The following LMNTD1 variants were observed in gnomAD, a reference collection of about 807,000 sequenced individuals.
LMNTD1 encodes the protein lamin tail domain containing 1.
LMNTD1 carries 35 observed loss-of-function variants against 50.9 expected under a neutral mutation model. That is an observed-to-expected ratio of 0.69 (90% CI 0.53 to 0.91). The LOEUF is 0.91. Ranked by LOEUF, LMNTD1 falls within the 40% of genes least tolerant of loss-of-function variation. The probability of loss-of-function intolerance (pLI) is 0.00; values close to 1 mark genes in which losing one functional copy is unlikely to be tolerated. For synonymous variants in LMNTD1, 153 were observed against 161.9 expected, an observed-to-expected ratio of 0.94 and a Z score of 0.42; for missense variants, 470 against 475.5, an observed-to-expected ratio of 0.99 and a Z score of 0.11.
Position 25,543,493 on chromosome 12 carries a change from G to T in LMNTD1, c.491+2881C>A, listed in dbSNP as rs185527587. 2.8e-3 allele frequency among the ~76,000 whole-genome samples: 426 copies of T among 152,018 alleles called. 1 individual carries two copies. Among genetic ancestry groups the T allele is most frequent in the Non-Finnish European group, 5.0e-3 (342 of 67,878 alleles). On this transcript the variant is annotated intron_variant, in intron 4 of 9. Transcript: ENST00000458174. Reference sequence around the variant, plus strand: ...GAAAAACCATATGATCATCTCACTAGATGCATAGAAAGTATTTGATACAAT... The same window carrying T: ...GAAAAACCATATGATCATCTCACTATATGCATAGAAAGTATTTGATACAAT...
At chr12:25,542,836 A>T (rs1182081758) in intron 4 of LMNTD1, among the ~76,000 whole-genome samples, 1 of 151,718 alleles carries the variant, frequency 6.6e-6, no homozygotes, top group Non-Finnish European at 1.5e-5. Flanking sequence ...AATAGGGGAA[A>T]CCAATATAAC....
intron 7 of LMNTD1, among the ~76,000 whole-genome samples, chr12:25,519,586 T>TAAAAAA (rs781742784): frequency 0.014 from 1,032 of 74,900 alleles, 181 homozygotes; most frequent in Non-Finnish European, 0.017. Flanking sequence ...AGACTCTGTC[T>TAAAAAA]CAAAAAAAAA....
chr12:25,518,999 A>G (rs1017850093), intron 7 of LMNTD1, 32 bp from the exon 8 acceptor site: 3 of 1,608,612 alleles, frequency 1.9e-6, no homozygotes, highest in African/African-American at 2.7e-5. Flanking sequence ...ATGGAACTCA[A>G]AAGCCATTTT....
chr12:25,518,758 C>T, intron 8 of LMNTD1, 37 bp downstream of exon 8: 15 of 1,574,450 alleles, frequency 9.5e-6, no homozygotes, highest in South Asian at 3.3e-5. Flanking sequence ...TGCACACACA[C>T]GCACTCTCCA....
chr12:25,617,204 T>C lies in LMNTD1; in HGVS notation c.58+31290A>G, dbSNP rs112385322. ...TTTAATTAGCTATAGTATTTAATGT[T>C]AATGTTAACTTTATGCTGAGGCCCT... On this transcript the variant is annotated intron_variant, in intron 1 of 7. Coordinates refer to the LMNTD1 transcript ENST00000445693. 1.9e-3 allele frequency among the ~76,000 whole-genome samples: 289 copies of C among 152,336 alleles called. 3 individuals are homozygous for C. The highest frequency in any genetic ancestry group is 6.4e-3 in the African/African-American group (265 of 41,576).
At chr12:25,564,949 G>C (rs1430665934) in intron 1 of LMNTD1, among the ~76,000 whole-genome samples, 1 of 152,062 alleles carries the variant, frequency 6.6e-6, no homozygotes, top group East Asian at 1.9e-4. Context: ...ATAACCTCTT[G>C]CTGAATTGAC....
At chr12:25,554,592 T>C (rs1472704798), upstream of LMNTD1, among the ~76,000 whole-genome samples, 5 of 152,220 alleles carry the variant, frequency 3.3e-5, no homozygotes, top group Non-Finnish European at 4.4e-5. Flanking sequence ...GAGCATTTTG[T>C]AAATGTAAGA....
At chr12:25,644,597 G>A (rs1371511566) in intron 1 of LMNTD1, among the ~76,000 whole-genome samples, 1 of 152,042 alleles carries the variant, frequency 6.6e-6, no homozygotes, top group Non-Finnish European at 1.5e-5. Context: ...CCAAAAAAGA[G>A]AATGATGAAA....
At chr12:25,592,309 A>G (rs1945725085) in intron 1 of LMNTD1, among the ~76,000 whole-genome samples, 1 of 152,208 alleles carries the variant, frequency 6.6e-6, no homozygotes, top group Admixed American at 6.5e-5. Context: ...GCAGGCATAC[A>G]TTAGGAAAGC....
At chr12:25,519,587 C>CAAAAAAAAAAAAAAAAA (rs58304861) in intron 7 of LMNTD1, among the ~76,000 whole-genome samples, 7 of 94,700 alleles carry the variant, frequency 7.4e-5, no homozygotes, top group African/African-American at 2.5e-4. Context: ...GACTCTGTCT[C>CAAAAAAAAAAAAAAAAA]AAAAAAAAAA....
intron 4 of LMNTD1, among the ~76,000 whole-genome samples, chr12:25,536,912 C>T (rs1422774858): frequency 2.0e-5 from 3 of 152,206 alleles, no homozygotes; most frequent in East Asian, 1.9e-4. Context: ...TTGCCTCACT[C>T]GGGAAGCACA....
chr12:25,559,504 ATGTG>A, intron 1 of LMNTD1, among the ~76,000 whole-genome samples: 1 of 152,274 alleles, frequency 6.6e-6, no homozygotes, highest in South Asian at 2.1e-4. Context: ...CGCAATAAAC[ATGTG>A]TGTGCATGTG....
intron 1 of LMNTD1, among the ~76,000 whole-genome samples, chr12:25,606,820 T>A (rs563017611): frequency 1.3e-5 from 2 of 152,318 alleles, no homozygotes; most frequent in Admixed American, 6.5e-5. Flanking sequence ...CTGCCAGGCT[T>A]TGGTATCAGG....
chr12:25,635,144 G>T (rs149238557), intron 1 of LMNTD1, among the ~76,000 whole-genome samples: 1 of 151,910 alleles, frequency 6.6e-6, no homozygotes, highest in South Asian at 2.1e-4. Flanking sequence ...GGAGGCTGAG[G>T]GGGGAGAATC....
chr12:25,606,631 C>T (rs1450556181), intron 1 of LMNTD1, among the ~76,000 whole-genome samples: 16 of 152,034 alleles, frequency 1.1e-4, no homozygotes, highest in African/African-American at 3.4e-4. Context: ...TGCTGGATTA[C>T]GTTTATTGAT....
intron 1 of LMNTD1, among the ~76,000 whole-genome samples, chr12:25,574,220 C>T (rs1029853544): frequency 6.6e-6 from 1 of 152,194 alleles, no homozygotes; most frequent in Non-Finnish European, 1.5e-5. Context: ...ATCTCCATGA[C>T]AACTCCCATC....
At chr12:25,511,218 A>G (rs1940266760) in intron 8 of LMNTD1, among the ~76,000 whole-genome samples, 1 of 152,166 alleles carries the variant, frequency 6.6e-6, no homozygotes, top group Admixed American at 6.5e-5. Flanking sequence ...AAGATACTTA[A>G]ACAATTTTAT....
intron 1 of LMNTD1, among the ~76,000 whole-genome samples, chr12:25,634,845 A>G (rs1476297184): frequency 6.6e-6 from 1 of 152,218 alleles, no homozygotes; most frequent in African/African-American, 2.4e-5. Context: ...AGAGCATCCA[A>G]ATCAGCAAAG....
chr12:25,526,168 A>G lies in LMNTD1; in HGVS notation c.729T>C (p.Leu243=). ...CTCTAAACTTGTCTTGTTCCTTCCA[A>G]AGAAAATCTGATGGAGGTTGATGCT... is the stretch of plus-strand genomic sequence containing the variant. ...EAKHQPPSDF[L]WKEQDKFRAS... The change falls in exon 6 of 10, where the codon CTT becomes CTC. Residue 243 remains leucine (L), a synonymous_variant. Transcript: ENST00000458174. 6.2e-7 allele frequency: 1 copy of G among 1,611,506 alleles called. No individual in the cohort carries two copies. The highest frequency in any genetic ancestry group is 8.5e-7 in the Non-Finnish European group (1 of 1,178,530).
Sources: allele counts gnomAD v4.1 joint callset (sites outside exome capture counted in the v4.1 genomes callset), GRCh38; gene constraint gnomAD v4.1.1; transcripts MANE v1.5; gene names NCBI Gene and HGNC (gene_info 2026-07-23, HGNC 2026-07-21).